The following ANKS1B variants were observed in gnomAD, a reference collection of about 807,000 sequenced individuals.
ANKS1B encodes ankyrin repeat and sterile alpha motif domain containing 1B.
ANKS1B carries 36 observed loss-of-function variants against 148.3 expected under a neutral mutation model. The observed-to-expected ratio is 0.24, with a 90% CI of 0.19 to 0.32. The LOEUF is 0.32. Among genes scored for constraint, ANKS1B ranks in the 10% least tolerant of loss-of-function variants. ANKS1B has a pLI of 1.00. For synonymous variants in ANKS1B, 542 were observed against 560.8 expected (o/e 0.97, Z 0.47); for missense variants, 1,157 against 1,542.6 (o/e 0.75, Z 4.19).
At chr12:98,925,433 T>C (rs1416760546) in intron 17 of ANKS1B, among the ~76,000 whole-genome samples, 2 of 152,164 alleles carry the variant, frequency 1.3e-5, no homozygotes, top group African/African-American at 2.4e-5. Flanking sequence ...TCAAATCCCA[T>C]CTCTAGGTTT....
intron 1 of ANKS1B, among the ~76,000 whole-genome samples, chr12:99,974,696 G>C (rs546820092): frequency 7.2e-5 from 11 of 152,060 alleles, no homozygotes; most frequent in African/African-American, 2.6e-4. Flanking sequence ...TTCAAGAACA[G>C]CAAGGCAGGA....
chr12:99,092,601 G>A (rs2054437443), intron 15 of ANKS1B, among the ~76,000 whole-genome samples: 1 of 152,124 alleles, frequency 6.6e-6, no homozygotes, highest in Non-Finnish European at 1.5e-5. Context: ...GACAGGGTTA[G>A]GTGAGTTTGG....
intron 12 of ANKS1B, among the ~76,000 whole-genome samples, chr12:99,340,882 T>C (rs192852644): frequency 3.9e-5 from 6 of 152,204 alleles, no homozygotes; most frequent in Admixed American, 3.9e-4. Context: ...CAGATAAGCA[T>C]AAAGGAAAGA....
intron 1 of ANKS1B, among the ~76,000 whole-genome samples, chr12:99,887,639 C>G (rs549202953): frequency 6.6e-6 from 1 of 152,284 alleles, no homozygotes; most frequent in African/African-American, 2.4e-5. Context: ...ACTAAGATGA[C>G]TTTTCCCACA....
chr12:99,785,255 G>A (rs935309174), intron 4 of ANKS1B, among the ~76,000 whole-genome samples: 1 of 146,128 alleles, frequency 6.8e-6, no homozygotes, highest in African/African-American at 2.6e-5. Flanking sequence ...AGTATCAGTA[G>A]GTCGTGTGTG....
At chr12:99,135,928 A>T (rs1025196903) in intron 15 of ANKS1B, among the ~76,000 whole-genome samples, 1 of 152,156 alleles carries the variant, frequency 6.6e-6, no homozygotes. Context: ...GCAGTCTCAG[A>T]GAACAGCCCA....
chr12:99,238,907 G>A (rs2088621050), intron 14 of ANKS1B, among the ~76,000 whole-genome samples: 1 of 152,114 alleles, frequency 6.6e-6, no homozygotes, highest in Admixed American at 6.5e-5. Flanking sequence ...AACCCCATCT[G>A]TATAGGTCAC....
intron 12 of ANKS1B, among the ~76,000 whole-genome samples, chr12:99,356,798 G>A (rs531365849): frequency 8.5e-5 from 13 of 152,166 alleles, no homozygotes; most frequent in Admixed American, 2.0e-4. Flanking sequence ...TTTAAAAACC[G>A]AAGCCAGTTA....
intron 2 of ANKS1B, among the ~76,000 whole-genome samples, chr12:99,824,059 G>A (rs2082848994): frequency 6.6e-6 from 1 of 152,116 alleles, no homozygotes; most frequent in Non-Finnish European, 1.5e-5. Context: ...GCTTAGGATT[G>A]CTTTGGCTAT....
At chr12:98,850,550 C>A (rs169295) in intron 17 of ANKS1B, among the ~76,000 whole-genome samples, 133,252 of 149,270 alleles carry the variant, frequency 0.89, 59,484 homozygotes, top group East Asian at 1. Flanking sequence ...TCACTGCAAC[C>A]TCTGCCTCCT....
chr12:99,867,412 A>AG (rs1419565474), intron 1 of ANKS1B, among the ~76,000 whole-genome samples: 1 of 152,176 alleles, frequency 6.6e-6, no homozygotes, highest in African/African-American at 2.4e-5. Context: ...GACATACCCG[A>AG]GACTGGGAAA....
At chr12:98,989,915 AAGAAAGAAAG>A (rs776960272) in intron 17 of ANKS1B, among the ~76,000 whole-genome samples, 95 of 152,152 alleles carry the variant, frequency 6.2e-4, no homozygotes, top group Admixed American at 1.1e-3. Context: ...GAAGGAAAGA[AAGAAAGAAAG>A]AGAAAGAAAG....
chr12:99,374,093 A>T (rs1274550650), intron 12 of ANKS1B, among the ~76,000 whole-genome samples: 2 of 152,228 alleles, frequency 1.3e-5, no homozygotes, highest in African/African-American at 4.8e-5. Context: ...GTTTTAATCC[A>T]AAGAATGTGC....
At chr12:98,954,646 C>T (rs2099859437) in intron 17 of ANKS1B, among the ~76,000 whole-genome samples, 1 of 152,124 alleles carries the variant, frequency 6.6e-6, no homozygotes, top group South Asian at 2.1e-4. Flanking sequence ...TAGAGAAATG[C>T]CTGCTTTGTG....
intron 17 of ANKS1B, among the ~76,000 whole-genome samples, chr12:98,916,038 C>T (rs1158559484): frequency 6.6e-6 from 1 of 152,166 alleles, no homozygotes; most frequent in Non-Finnish European, 1.5e-5. Flanking sequence ...CCACCACCAT[C>T]ACATAACCTG....
intron 25 of ANKS1B, among the ~76,000 whole-genome samples, chr12:98,761,672 G>T (rs1315904054): frequency 6.6e-6 from 1 of 152,214 alleles, no homozygotes; most frequent in African/African-American, 2.4e-5. Context: ...GTTATGGAAT[G>T]AGGCATGGTA....
chr12:99,557,348 G>A (rs1306870830), intron 9 of ANKS1B, among the ~76,000 whole-genome samples: 1 of 152,042 alleles, frequency 6.6e-6, no homozygotes, highest in Non-Finnish European at 1.5e-5. Flanking sequence ...TGAAGGTTTT[G>A]TTCATTTTTT....
At chr12:99,893,235 C>A (rs374937406) in intron 1 of ANKS1B, among the ~76,000 whole-genome samples, 9 of 151,788 alleles carry the variant, frequency 5.9e-5, no homozygotes, top group East Asian at 1.9e-4. Flanking sequence ...ACAGTGAAAC[C>A]CCGTCTCTAC....
chr12:98,749,213 C>T (rs893953746), intron 26 of ANKS1B, among the ~76,000 whole-genome samples: 1 of 152,134 alleles, frequency 6.6e-6, no homozygotes, highest in Non-Finnish European at 1.5e-5. Context: ...ATTCTCCTGC[C>T]TCAGCCTCCC....
Sources: allele counts gnomAD v4.1 joint callset (sites outside exome capture counted in the v4.1 genomes callset), GRCh38; gene constraint gnomAD v4.1.1; transcripts MANE v1.5; gene names NCBI Gene and HGNC (gene_info 2026-07-23, HGNC 2026-07-21).